DIP2B: variants seen among roughly 807,000 people sequenced by gnomAD.
The protein encoded by DIP2B is disco-interacting protein 2 homolog B.
In DIP2B, 76 loss-of-function variants were observed where a neutral mutation model predicts 198.0. The observed-to-expected ratio is 0.38, with a 90% CI of 0.32 to 0.46. The LOEUF is 0.46. Ranked by LOEUF, DIP2B falls within the 20% of genes least tolerant of loss-of-function variation. The pLI, the probability that DIP2B is intolerant of heterozygous loss-of-function variation, is 0.99. For synonymous variants in DIP2B, 701 were observed against 739.1 expected (o/e 0.95, Z 0.84); for missense variants, 1,559 against 1,978.4 (o/e 0.79, Z 4.02).
chr12:50,597,729 G>A (rs564702363), intron 1 of DIP2B, among the ~76,000 whole-genome samples: 35 of 152,298 alleles, frequency 2.3e-4, no homozygotes, highest in Non-Finnish European at 4.6e-4. Flanking sequence ...GATGACTGCC[G>A]ACTCCTGTTT....
chr12:50,654,882 A>T, intron 3 of DIP2B: 1 of 281,428 alleles, frequency 3.6e-6, no homozygotes. Flanking sequence ...CACACTCTGA[A>T]GGTTAGGCGG....
intron 33 of DIP2B, 55 bp from the exon 34 acceptor site, chr12:50,735,018 A>C: frequency 6.2e-7 from 1 of 1,604,136 alleles, no homozygotes; most frequent in Admixed American, 1.7e-5. Context: ...CTGCAGGAAC[A>C]TGGCGACTTC....
In DIP2B at chr12:50,747,311, G is replaced by C. The variant is rs959150826; in HGVS notation, c.*2472G>C. 1 of 152,138 alleles carries C rather than the reference G, an allele frequency of 6.6e-6. No homozygotes were observed. The highest frequency in any genetic ancestry group is 1.5e-5 in the Non-Finnish European group (1 of 68,028). The allele number at this position is 152,138 out of a possible 1,614,324, so 9.4% of individuals were successfully genotyped here. On this transcript the variant is annotated 3_prime_UTR_variant, in exon 38 of 38. Coordinates refer to ENST00000301180, the MANE Select transcript of DIP2B (RefSeq NM_173602.3). The stretch of plus-strand genomic sequence containing the variant: ...AGTGTGGCCAACTCCCATTTACTTA[G>C]AGGCTGATTATCTAGTTTTGTAGTT...
At chr12:50,708,584 T>C (rs907454368) in intron 22 of DIP2B, 22 bp downstream of exon 22, 11 of 1,564,146 alleles carry the variant, frequency 7.0e-6, no homozygotes, top group Admixed American at 3.8e-5. Context: ...TTGGGGTCTG[T>C]GTCAGGTCAG....
rs773738302 is a variant in DIP2B, at chr12:50,714,358, G to T, written c.2650-37G>T. The T allele has an allele frequency of 1.1e-5, 17 of 1,610,626 alleles. No individual in the cohort carries two copies. The South Asian group carries it at 1.6e-4, about 16-fold the overall frequency. On this transcript the variant is annotated intron_variant, in intron 22 of 37. Transcript: ENST00000301180. ...CAGGAATATGTCAAATGTAATAGAA[G>T]TGATCTCACTGAGTATTTTTGTTTG...
intron 25 of DIP2B, 38 bp downstream of exon 25, chr12:50,719,073 A>G: frequency 6.3e-7 from 1 of 1,599,634 alleles, no homozygotes; most frequent in Non-Finnish European, 8.5e-7. Context: ...TCAGCTGACT[A>G]CTATAGGACC....
chr12:50,542,584 A>T (rs1231090591), intron 1 of DIP2B, among the ~76,000 whole-genome samples: 3 of 152,172 alleles, frequency 2.0e-5, no homozygotes, highest in Admixed American at 6.6e-5. Context: ...ATCTTATTAT[A>T]CTTGAGCTGC....
chr12:50,528,213 C>T (rs77058657), intron 1 of DIP2B, among the ~76,000 whole-genome samples: 1 of 151,754 alleles, frequency 6.6e-6, no homozygotes, highest in African/African-American at 2.4e-5. Context: ...AGACGTGAGC[C>T]ACTGTGCCTG....
Position 50,721,415 on chromosome 12 carries a change from G to T in DIP2B, c.3166+19G>T. 1 of 1,613,446 alleles carries T rather than the reference G, an allele frequency of 6.2e-7. No homozygotes were observed. Among genetic ancestry groups the T allele is most frequent in the South Asian group, 1.1e-5 (1 of 90,982 alleles). ...CCACCTGGTAAGCATTGGATTGGCAGACTAGAGTTTAAGCTCCAATACTAG... is the reference window on the plus strand; with the variant it reads ...CCACCTGGTAAGCATTGGATTGGCATACTAGAGTTTAAGCTCCAATACTAG... On this transcript the variant is annotated intron_variant, in intron 26 of 37. Coordinates refer to ENST00000301180, the MANE Select transcript of DIP2B (RefSeq NM_173602.3).
chr12:50,578,800 G>A (rs1054104352), intron 1 of DIP2B, among the ~76,000 whole-genome samples: 3 of 152,136 alleles, frequency 2.0e-5, no homozygotes, highest in Admixed American at 6.5e-5. Flanking sequence ...AAGCCACCGC[G>A]CCCGGCCTGT....
chr12:50,700,997 C>T (rs1939407547), intron 19 of DIP2B, among the ~76,000 whole-genome samples: 1 of 152,200 alleles, frequency 6.6e-6, no homozygotes, highest in Non-Finnish European at 1.5e-5. Flanking sequence ...CAGGCATGAG[C>T]CGTTGCGCCT....
At chr12:50,629,674 A>G (rs1938004024) in intron 2 of DIP2B, among the ~76,000 whole-genome samples, 1 of 152,140 alleles carries the variant, frequency 6.6e-6, no homozygotes, top group African/African-American at 2.4e-5. Flanking sequence ...CACCATTTCA[A>G]CATATCCAAA....
At chr12:50,699,410 C>T (rs1565875165) in intron 19 of DIP2B, among the ~76,000 whole-genome samples, 1 of 152,114 alleles carries the variant, frequency 6.6e-6, no homozygotes, top group East Asian at 1.9e-4. Flanking sequence ...ATTTCCTTAT[C>T]TTTAAAATGT....
chr12:50,738,489 A>T lies in DIP2B; in HGVS notation c.4177-920A>T, dbSNP rs530264130. 8.5e-4 allele frequency among the ~76,000 whole-genome samples: 128 copies of T among 150,528 alleles called. 1 individual carries two copies. The South Asian group carries it at 0.025, about 29-fold the overall frequency. On this transcript the variant is annotated intron_variant, in intron 35 of 37. Coordinates refer to ENST00000301180, the MANE Select transcript of DIP2B (RefSeq NM_173602.3). ...AAAGACCCCATCTCTACTTCGAAAA[A>T]TTTTTTTTTTCTGAGACAGTGTATT... is the stretch of plus-strand genomic sequence containing the variant.
intron 7 of DIP2B, among the ~76,000 whole-genome samples, chr12:50,677,612 C>T (rs1049096337): frequency 1.3e-4 from 19 of 152,000 alleles, no homozygotes; most frequent in African/African-American, 4.1e-4. Flanking sequence ...AAGACTCTGT[C>T]GTGGGGGTAG....
chr12:50,515,226 G>GTA (rs1958053175), intron 1 of DIP2B, among the ~76,000 whole-genome samples: 1 of 149,724 alleles, frequency 6.7e-6, no homozygotes, highest in Admixed American at 6.7e-5. Flanking sequence ...CTGCAGCATT[G>GTA]TACACTGTGG....
At chr12:50,597,637 T>A (rs1450762781) in intron 1 of DIP2B, among the ~76,000 whole-genome samples, 1 of 152,148 alleles carries the variant, frequency 6.6e-6, no homozygotes. Flanking sequence ...ACACAGCACA[T>A]GGGAGTCAGT....
rs191840630 is a variant in DIP2B, at chr12:50,722,280, T to C, written c.3166+884T>C. On this transcript the variant is annotated intron_variant, in intron 26 of 37. Coordinates refer to ENST00000301180, the MANE Select transcript of DIP2B (RefSeq NM_173602.3). ...TTATTTTATTTTATTTTATTTTATTTTATTTTATTTTATTTTATTTTTGAG... is the reference window on the plus strand; with the variant it reads ...TTATTTTATTTTATTTTATTTTATTCTATTTTATTTTATTTTATTTTTGAG... 3.5e-3 allele frequency among the ~76,000 whole-genome samples: 535 copies of C among 151,312 alleles called. 7 individuals are homozygous for C. The highest frequency in any genetic ancestry group is 0.032 in the Admixed American group (493 of 15,178).
intron 22 of DIP2B, among the ~76,000 whole-genome samples, chr12:50,711,726 T>A (rs979236107): frequency 2.6e-5 from 4 of 152,192 alleles, no homozygotes; most frequent in African/African-American, 9.7e-5. Flanking sequence ...CACACCCAGC[T>A]AATTTTTGTA....
Sources: allele counts gnomAD v4.1 joint callset (sites outside exome capture counted in the v4.1 genomes callset), GRCh38; gene constraint gnomAD v4.1.1; transcripts MANE v1.5; gene names NCBI Gene and HGNC (gene_info 2026-07-23, HGNC 2026-07-21).